BTG4: variants seen among roughly 807,000 people sequenced by gnomAD.
The protein encoded by BTG4 is BTG anti-proliferation factor 4.
BTG4 carries 10 observed loss-of-function variants against 19.3 expected under a neutral mutation model. That is an observed-to-expected ratio of 0.52 (90% CI 0.32 to 0.88). BTG4 has a LOEUF of 0.88. Among genes scored for constraint, BTG4 ranks in the 40% least tolerant of loss-of-function variants. The probability of loss-of-function intolerance (pLI) is 0.04; values close to 1 mark genes in which losing one functional copy is unlikely to be tolerated. For missense variants in BTG4, 238 were observed against 281.9 expected (o/e 0.84, Z 1.11); for synonymous variants, 91 against 95.7 (o/e 0.95, Z 0.29).
intron 5 of BTG4, among the ~76,000 whole-genome samples, chr11:111,468,763 C>A (rs1863879634): frequency 6.6e-6 from 1 of 152,166 alleles, no homozygotes; most frequent in Non-Finnish European, 1.5e-5. Context: ...ACCTCCTGAA[C>A]CAACCACTTG....
At chr11:111,510,581 T>G (rs77317748) in intron 1 of BTG4, among the ~76,000 whole-genome samples, 4 of 152,276 alleles carry the variant, frequency 2.6e-5, no homozygotes, top group Non-Finnish European at 5.9e-5. Context: ...ATGAGATCCT[T>G]GGAGTTTCTC....
chr11:111,514,545 C>A, upstream of BTG4: 1 of 558,270 alleles, frequency 1.8e-6, no homozygotes, highest in Non-Finnish European at 3.2e-6. Flanking sequence ...TCCGACAGGA[C>A]ACAACCCAAA....
At chr11:111,425,090 C>T in the BTG4 span, among the ~76,000 whole-genome samples, 1 of 152,184 alleles carries the variant, frequency 6.6e-6, no homozygotes, top group East Asian at 1.9e-4. Context: ...AAGGAAGGCG[C>T]CATTTGGGCT....
chr11:111,416,045 A>AAAAAG, the BTG4 span: 3 of 152,410 alleles, frequency 2.0e-5, no homozygotes, highest in South Asian at 2.1e-4. Flanking sequence ...CCTTGTCTGA[A>AAAAAG]AAAAGAAAAG....
chr11:111,422,271 G>T, the BTG4 span, among the ~76,000 whole-genome samples: 1 of 152,076 alleles, frequency 6.6e-6, no homozygotes, highest in Non-Finnish European at 1.5e-5. Context: ...AATATTCAAG[G>T]CACAAAAATT....
chr11:111,421,476 C>T, the BTG4 span, among the ~76,000 whole-genome samples: 1 of 152,312 alleles, frequency 6.6e-6, no homozygotes, highest in East Asian at 1.9e-4. Context: ...ACGTGTGTTT[C>T]CCGAAGGGCA....
the BTG4 span, among the ~76,000 whole-genome samples, chr11:111,396,158 C>T: frequency 6.6e-6 from 1 of 152,212 alleles, no homozygotes; most frequent in African/African-American, 2.4e-5. Flanking sequence ...AGTTGAACTC[C>T]TACATAAGAA....
the BTG4 span, among the ~76,000 whole-genome samples, chr11:111,392,169 C>CTTTTTTT: frequency 2.5e-4 from 21 of 85,450 alleles, 3 homozygotes; most frequent in African/African-American, 3.3e-4. Flanking sequence ...CTGTGATTTT[C>CTTTTTTT]TTTTTTTTTT....
At chr11:111,415,205 T>C in the BTG4 span, among the ~76,000 whole-genome samples, 2 of 152,072 alleles carry the variant, frequency 1.3e-5, no homozygotes, top group African/African-American at 2.4e-5. Context: ...AGCCCTGTTA[T>C]TGGCTTACTG....
intron 5 of BTG4, among the ~76,000 whole-genome samples, chr11:111,481,950 T>C (rs1212898218): frequency 6.6e-6 from 1 of 151,776 alleles, no homozygotes; most frequent in Admixed American, 6.6e-5. Flanking sequence ...CTATTCAACA[T>C]AGAGCCAAAA....
the BTG4 span, among the ~76,000 whole-genome samples, chr11:111,407,625 C>T: frequency 1.2e-4 from 18 of 152,256 alleles, no homozygotes; most frequent in South Asian, 1.7e-3. Flanking sequence ...GAGCTGAGAT[C>T]GCACCATCGC....
chr11:111,445,485 T>C, the BTG4 span, among the ~76,000 whole-genome samples: 2 of 152,172 alleles, frequency 1.3e-5, no homozygotes, highest in East Asian at 3.9e-4. Context: ...TCCTTTGTTA[T>C]ATACGTGGCC....
the BTG4 span, among the ~76,000 whole-genome samples, chr11:111,419,612 A>T: frequency 6.6e-6 from 1 of 152,360 alleles, no homozygotes; most frequent in African/African-American, 2.4e-5. Context: ...TCCCAAGCTC[A>T]TAAGCAGAAC....
intron 1 of BTG4, among the ~76,000 whole-genome samples, chr11:111,506,639 A>G (rs1053949382): frequency 1.4e-4 from 21 of 152,148 alleles, no homozygotes; most frequent in Admixed American, 1.4e-3. Context: ...ATAACTCACT[A>G]AAATTAATTC....
chr11:111,413,648 G>C, the BTG4 span, among the ~76,000 whole-genome samples: 4 of 152,306 alleles, frequency 2.6e-5, no homozygotes, highest in African/African-American at 7.2e-5. Flanking sequence ...ATTTCTATTG[G>C]CATTTCAGTT....
Position 111,505,740 on chromosome 11 carries a change from T to G in BTG4, c.-27+6441A>C, listed in dbSNP as rs114873417. Among the ~76,000 whole-genome samples the G allele has an allele frequency of 2.0e-5, 3 of 152,064 alleles. No individual in the cohort carries two copies. In the East Asian group the frequency reaches 5.8e-4, roughly 29 times the overall value. ...TACAAATTATACCTCCAACAAAGAA[T>G]TAGTATTCAGAATCTACAAGAAATT... On this transcript the variant is annotated intron_variant, in intron 1 of 4. Transcript: ENST00000692032.
At chr11:111,429,401 G>A in the BTG4 span, among the ~76,000 whole-genome samples, 75,371 of 151,970 alleles carry the variant, frequency 0.5, 19,838 homozygotes, top group African/African-American at 0.68. Context: ...AGGTTAAGCA[G>A]CCTGCTCAAG....
chr11:111,499,542 C>T (rs1359333214), intron 1 of BTG4, among the ~76,000 whole-genome samples: 3 of 152,130 alleles, frequency 2.0e-5, no homozygotes, highest in African/African-American at 7.2e-5. Flanking sequence ...TTCTATTTTG[C>T]TATTATAATC....
intron 5 of BTG4, among the ~76,000 whole-genome samples, chr11:111,476,498 T>C (rs1944121): frequency 0.28 from 42,473 of 152,154 alleles, 6,463 homozygotes; most frequent in Middle Eastern, 0.38. Context: ...AATCAAGCTA[T>C]CAGGAACTTC....
Sources: gnomAD v4.1 joint callset for allele counts (sites outside exome capture counted in the v4.1 genomes callset) on GRCh38, gnomAD v4.1.1 for gene constraint, MANE v1.5 for transcripts, NCBI Gene and HGNC (gene_info 2026-07-23, HGNC 2026-07-21) for gene names.